Variants in TXLNB observed in about 807,000 individuals in gnomAD.
TXLNB encodes the protein taxilin beta.
TXLNB carries 37 observed loss-of-function variants against 57.4 expected under a neutral mutation model. That is an observed-to-expected ratio of 0.64 (90% CI 0.50 to 0.85). The LOEUF is 0.85. Among genes scored for constraint, TXLNB ranks in the 40% least tolerant of loss-of-function variants. The probability of loss-of-function intolerance (pLI) is 0.00; values close to 1 mark genes in which losing one functional copy is unlikely to be tolerated. For missense variants in TXLNB, 848 were observed against 825.6 expected (o/e 1.03, Z -0.33); for synonymous variants, 302 against 309.6 (o/e 0.98, Z 0.26).
At chr6:139,268,056 C>G (rs1224881127) in intron 4 of TXLNB, among the ~76,000 whole-genome samples, 1 of 148,460 alleles carries the variant, frequency 6.7e-6, no homozygotes, top group East Asian at 2.0e-4. Flanking sequence ...GAGGCTAAGG[C>G]AGAGAATTGC....
chr6:139,313,730 T>G, the TXLNB span, among the ~76,000 whole-genome samples: 2 of 152,160 alleles, frequency 1.3e-5, no homozygotes, highest in Non-Finnish European at 2.9e-5. Context: ...AGCCCCAGTA[T>G]TCATTTATAA....
At chr6:139,163,734 ATCT>A in the TXLNB span, among the ~76,000 whole-genome samples, 2 of 152,094 alleles carry the variant, frequency 1.3e-5, no homozygotes, top group Non-Finnish European at 2.9e-5. Flanking sequence ...CTGCAGGGGA[ATCT>A]TCTCCTCCAG....
intron 5 of TXLNB, 136 bp downstream of exon 5, chr6:139,262,443 C>T: frequency 1.5e-6 from 1 of 662,176 alleles, no homozygotes; most frequent in South Asian, 3.9e-5. Context: ...TTCATTTTGG[C>T]TCGTCAAGGA....
chr6:139,262,128 G>A (rs141584361), intron 5 of TXLNB, among the ~76,000 whole-genome samples: 2 of 151,758 alleles, frequency 1.3e-5, no homozygotes, highest in South Asian at 4.2e-4. Flanking sequence ...GGCTGCTCTC[G>A]AACTCCTGAC....
At position 139,276,863 on chromosome 6, in the gene TXLNB, C is replaced by T; in HGVS notation, c.483G>A (p.Lys161=). The change falls in exon 3 of 10, where the codon AAG becomes AAA. Residue 161 remains lysine, a synonymous_variant. Coordinates refer to ENST00000358430, the MANE Select transcript of TXLNB (RefSeq NM_153235.4). The stretch of plus-strand genomic sequence containing the variant: ...CATACTTCTTGAATAAAAAATCAAA[C>T]TTTTCTTCCGGTGTTTGCAACTTGT... ...NLNKLQTPEE[K]FDFLFKKYAE... is the part of the protein sequence containing the mutation. 2 of 1,601,732 alleles carry T rather than the reference C, an allele frequency of 1.2e-6. No individual in the cohort carries two copies. Among genetic ancestry groups the T allele is most frequent in the Non-Finnish European group, 1.7e-6 (2 of 1,176,338 alleles).
chr6:139,232,001 C>A, the TXLNB span, among the ~76,000 whole-genome samples: 1 of 152,158 alleles, frequency 6.6e-6, no homozygotes, highest in Non-Finnish European at 1.5e-5. Context: ...TTGGGTAGAG[C>A]ATTTACTATA....
the TXLNB span, among the ~76,000 whole-genome samples, chr6:139,181,555 C>T: frequency 6.6e-6 from 1 of 152,066 alleles, no homozygotes; most frequent in Non-Finnish European, 1.5e-5. Flanking sequence ...CAAAAGTGAC[C>T]CCAAAGTGCA....
the TXLNB span, among the ~76,000 whole-genome samples, chr6:139,314,405 A>T: frequency 1.3e-5 from 2 of 152,212 alleles, no homozygotes; most frequent in African/African-American, 4.8e-5. Flanking sequence ...TAACCCTTTC[A>T]ACCAACTGCC....
At chr6:139,214,842 TAGAG>T in the TXLNB span, among the ~76,000 whole-genome samples, 1 of 151,864 alleles carries the variant, frequency 6.6e-6, no homozygotes, top group Non-Finnish European at 1.5e-5. Flanking sequence ...AACAGACAAA[TAGAG>T]AGCCAAATCA....
At chr6:139,246,893 A>G (rs1776078736) in intron 8 of TXLNB, among the ~76,000 whole-genome samples, 1 of 151,428 alleles carries the variant, frequency 6.6e-6, no homozygotes, top group Non-Finnish European at 1.5e-5. Context: ...CAGCCTGGGC[A>G]ACAAGAGCGA....
the TXLNB span, among the ~76,000 whole-genome samples, chr6:139,172,391 T>C: frequency 0.041 from 6,222 of 152,280 alleles, 136 homozygotes; most frequent in African/African-American, 0.062. Flanking sequence ...CCTTTCTGGA[T>C]TACTACTCCC....
chr6:139,285,835 T>C (rs953146403), intron 2 of TXLNB, among the ~76,000 whole-genome samples: 1 of 145,492 alleles, frequency 6.9e-6, no homozygotes, highest in African/African-American at 2.5e-5. Flanking sequence ...GTACCAGTCA[T>C]TGTGGGCTGC....
chr6:139,238,673 C>T (rs577719128), downstream of TXLNB, among the ~76,000 whole-genome samples: 7 of 152,256 alleles, frequency 4.6e-5, no homozygotes, highest in African/African-American at 9.6e-5. Context: ...GGATGATAAC[C>T]TTAATTTTCA....
In TXLNB at chr6:139,285,502, T is replaced by C. The variant is rs1348494132; in HGVS notation, c.424+2974A>G. On this transcript the variant is annotated intron_variant, in intron 2 of 9. Transcript: ENST00000358430. The stretch of plus-strand genomic sequence containing the variant: ...ATTGCTCTGTAACACAGAGCAATTT[T>C]ATTATGTTTTTCCATGTTCCAAAAC... 1.4e-5 allele frequency among the ~76,000 whole-genome samples: 2 copies of C among 144,484 alleles called. 1 individual carries two copies. Among genetic ancestry groups the C allele is most frequent in the African/African-American group, 5.1e-5 (2 of 39,148 alleles). The allele number at this position is 144,484 out of a possible 152,430, so 94.8% of individuals were successfully genotyped here.
chr6:139,318,678 A>G, the TXLNB span, among the ~76,000 whole-genome samples: 1 of 152,152 alleles, frequency 6.6e-6, no homozygotes, highest in Non-Finnish European at 1.5e-5. Context: ...AAGACAATGG[A>G]CTGATATTTT....
chr6:139,276,314 T>C (rs1377568535), intron 3 of TXLNB, among the ~76,000 whole-genome samples: 2 of 152,206 alleles, frequency 1.3e-5, no homozygotes, highest in Admixed American at 6.5e-5. Context: ...TCTCAATAAC[T>C]TCTATAAAAA....
chr6:139,263,685 T>C (rs1452104305), intron 4 of TXLNB, among the ~76,000 whole-genome samples: 3 of 151,810 alleles, frequency 2.0e-5, no homozygotes, highest in Non-Finnish European at 4.4e-5. Flanking sequence ...GCGATTGTTA[T>C]TCTTTTTGAA....
At position 139,241,831 on chromosome 6, in the gene TXLNB, G is replaced by A. The variant is rs564439085; in HGVS notation, c.*695C>T. ...ATGATAGCCTAAATACTTATAGTCC[G>A]AACTCTCTTCGGATTTATAGAGCAT... On this transcript the variant is annotated 3_prime_UTR_variant, in exon 10 of 10. Coordinates refer to ENST00000358430, the MANE Select transcript of TXLNB (RefSeq NM_153235.4). The A allele has an allele frequency of 2.0e-5, 3 of 152,220 alleles. No individual in the cohort carries two copies. The highest frequency in any genetic ancestry group is 3.9e-4 in the East Asian group (2 of 5,186). 9.4% of individuals were successfully genotyped at this position (152,220 alleles called of 1,614,324 possible).
chr6:139,270,557 C>G lies in TXLNB; in HGVS notation c.586G>C (p.Glu196Gln). 6.2e-7 allele frequency: 1 copy of G among 1,614,070 alleles called. No individual in the cohort carries two copies. The highest frequency in any genetic ancestry group is 1.1e-5 in the South Asian group (1 of 91,078). Residue 196 changes from glutamate (E) to glutamine (Q), a missense_variant, in exon 4 of 10, where the codon GAA becomes CAA. By Grantham distance (29) the Glu-to-Gln change is conservative (BLOSUM62 2). Coordinates refer to ENST00000358430, the MANE Select transcript of TXLNB (RefSeq NM_153235.4). ...LQKKQVQIQK[E>Q]KDQLQGEHSR... Reference sequence around the variant, plus strand: ...TGTTCACCTTGTAACTGGTCCTTTTCTTTTTGAATTTGTACCTGTTTCTTT... The same window carrying G: ...TGTTCACCTTGTAACTGGTCCTTTTGTTTTTGAATTTGTACCTGTTTCTTT...
Sources: allele counts gnomAD v4.1 joint callset (sites outside exome capture counted in the v4.1 genomes callset), GRCh38; gene constraint gnomAD v4.1.1; transcripts MANE v1.5; gene names NCBI Gene and HGNC (gene_info 2026-07-23, HGNC 2026-07-21).